The following CNTN4 variants were observed in gnomAD, a reference collection of about 807,000 sequenced individuals.
CNTN4 encodes contactin-4.
Under a neutral mutation model 122.5 loss-of-function variants are expected in CNTN4, and 77 were observed. That is an observed-to-expected ratio of 0.63 (90% CI 0.52 to 0.76). CNTN4 has a LOEUF of 0.76. CNTN4 is among the 30% of genes least tolerant of loss of function. The probability of loss-of-function intolerance (pLI) is 0.00; values close to 1 mark genes in which losing one functional copy is unlikely to be tolerated. For missense variants in CNTN4, 1,256 were observed against 1,259.1 expected, an observed-to-expected ratio of 1.00 and a Z score of 0.04; for synonymous variants, 512 against 447.0, an observed-to-expected ratio of 1.15 and a Z score of -1.83.
intron 4 of CNTN4, among the ~76,000 whole-genome samples, chr3:2,590,857 G>T (rs1388759971): frequency 2.6e-5 from 4 of 150,946 alleles, no homozygotes; most frequent in African/African-American, 7.3e-5. Flanking sequence ...TGTATCATTT[G>T]TTTTCTCTTT....
At chr3:2,439,729 G>A (rs2048369114) in intron 3 of CNTN4, among the ~76,000 whole-genome samples, 1 of 151,978 alleles carries the variant, frequency 6.6e-6, no homozygotes, top group East Asian at 1.9e-4. Context: ...AGGAGTGAAA[G>A]GAATTATGGA....
chr3:2,548,396 T>A lies in CNTN4; in HGVS notation c.-88-23020T>A, dbSNP rs369964529. 9.2e-5 allele frequency among the ~76,000 whole-genome samples: 14 copies of A among 152,348 alleles called. 1 individual carries two copies. The South Asian group carries it at 2.7e-3, about 29-fold the overall frequency. ...CCAGTTTCAGTTTTCTGCATATGGC[T>A]AGCCAGTTTTCCCAATACCATTTAT... On this transcript the variant is annotated intron_variant, in intron 3 of 24. Coordinates refer to ENST00000418658, the MANE Select transcript of CNTN4 (RefSeq NM_175607.3).
chr3:2,542,640 C>T (rs1275994432), intron 3 of CNTN4, among the ~76,000 whole-genome samples: 10 of 152,220 alleles, frequency 6.6e-5, no homozygotes, highest in South Asian at 6.2e-4. Flanking sequence ...TTTCCAGATT[C>T]GTTTCAGGGT....
At chr3:2,977,413 C>G (rs1266274661) in intron 13 of CNTN4, among the ~76,000 whole-genome samples, 6 of 152,162 alleles carry the variant, frequency 3.9e-5, no homozygotes, top group Admixed American at 3.9e-4. Context: ...AAATTGCAGG[C>G]AGGCCCTAAT....
At chr3:2,955,755 T>A (rs2094793029) in intron 13 of CNTN4, among the ~76,000 whole-genome samples, 1 of 152,184 alleles carries the variant, frequency 6.6e-6, no homozygotes, top group Admixed American at 6.5e-5. Context: ...TTGGATATAG[T>A]GCTAATGGAC....
intron 4 of CNTN4, among the ~76,000 whole-genome samples, chr3:2,683,265 A>G (rs968508302): frequency 6.6e-6 from 1 of 152,088 alleles, no homozygotes; most frequent in African/African-American, 2.4e-5. Context: ...CTGACTTGAA[A>G]AAACAGTCAT....
At chr3:3,039,025 A>G in intron 19 of CNTN4, 22 bp downstream of exon 19, 3 of 1,582,036 alleles carry the variant, frequency 1.9e-6, no homozygotes, top group Non-Finnish European at 2.6e-6. Context: ...ACAGAATAAA[A>G]GGAACGTACA....
At chr3:2,743,504 T>A (rs2089584515) in intron 5 of CNTN4, among the ~76,000 whole-genome samples, 2 of 152,222 alleles carry the variant, frequency 1.3e-5, no homozygotes, top group Non-Finnish European at 2.9e-5. Flanking sequence ...CTTTCTTACC[T>A]CTCTTGTTTC....
At chr3:2,294,180 T>G (rs2042225849) in intron 2 of CNTN4, among the ~76,000 whole-genome samples, 1 of 152,184 alleles carries the variant, frequency 6.6e-6, no homozygotes. Context: ...CCACCATGTT[T>G]TATTCCTAGT....
At chr3:2,173,572 A>G (rs1221989944) in intron 2 of CNTN4, among the ~76,000 whole-genome samples, 1 of 152,204 alleles carries the variant, frequency 6.6e-6, no homozygotes, top group African/African-American at 2.4e-5. Context: ...TAGATTGAAT[A>G]TTCCTGAGAG....
intron 4 of CNTN4, among the ~76,000 whole-genome samples, chr3:2,603,863 C>A (rs963679036): frequency 1.3e-5 from 2 of 152,120 alleles, no homozygotes; most frequent in Admixed American, 6.5e-5. Context: ...ACAGTAGAAA[C>A]CCTTTCTGAA....
intron 3 of CNTN4, among the ~76,000 whole-genome samples, chr3:2,372,293 T>A (rs1475581392): frequency 6.6e-6 from 1 of 152,236 alleles, no homozygotes. Context: ...TGGCTTTTAA[T>A]GCTTGCTGAA....
At chr3:2,317,811 GA>G (rs1445618040) in intron 2 of CNTN4, among the ~76,000 whole-genome samples, 1 of 152,158 alleles carries the variant, frequency 6.6e-6, no homozygotes, top group Non-Finnish European at 1.5e-5. Flanking sequence ...TGATGTGCTA[GA>G]ACTCAGAGTC....
chr3:2,736,612 C>A (rs975360896), intron 5 of CNTN4, among the ~76,000 whole-genome samples: 8 of 147,552 alleles, frequency 5.4e-5, no homozygotes, highest in African/African-American at 2.0e-4. Context: ...TACAGGCATG[C>A]ACCACCACGC....
intron 3 of CNTN4, among the ~76,000 whole-genome samples, chr3:2,516,130 G>T (rs1196022957): frequency 6.6e-6 from 1 of 151,858 alleles, no homozygotes; most frequent in East Asian, 1.9e-4. Context: ...TCTGGAGTTT[G>T]AATATTAATG....
chr3:2,599,314 A>T (rs2080918425), intron 4 of CNTN4, among the ~76,000 whole-genome samples: 1 of 152,210 alleles, frequency 6.6e-6, no homozygotes, highest in Non-Finnish European at 1.5e-5. Context: ...TAGAGCTGGT[A>T]AATGGTGAAG....
At chr3:3,039,126 T>C (rs754372658) in intron 19 of CNTN4, 123 bp downstream of exon 19, 15 of 857,240 alleles carry the variant, frequency 1.7e-5, no homozygotes, top group Middle Eastern at 2.2e-4. Context: ...TCATTTGGGT[T>C]CAGACACTCC....
At chr3:2,467,109 A>G (rs1290144628) in intron 3 of CNTN4, among the ~76,000 whole-genome samples, 2 of 142,488 alleles carry the variant, frequency 1.4e-5, no homozygotes, top group Non-Finnish European at 3.0e-5. Context: ...TATTTTTCCC[A>G]TTGGATGATA....
At chr3:2,995,496 G>A (rs1695453400) in intron 14 of CNTN4, among the ~76,000 whole-genome samples, 3 of 152,082 alleles carry the variant, frequency 2.0e-5, no homozygotes, top group African/African-American at 7.2e-5. Context: ...TCCATCCTTG[G>A]TCTAGAGGGA....
Sources: allele counts gnomAD v4.1 joint callset (sites outside exome capture counted in the v4.1 genomes callset), GRCh38; gene constraint gnomAD v4.1.1; transcripts MANE v1.5; gene names NCBI Gene and HGNC (gene_info 2026-07-23, HGNC 2026-07-21).